CEP128: variants seen among roughly 807,000 people sequenced by gnomAD.
CEP128 encodes centrosomal protein 128, also known as centrosomal protein 128kDa.
A neutral mutation model predicts 156.7 loss-of-function variants in CEP128; 132 were observed. That is an observed-to-expected ratio of 0.84 (90% CI 0.73 to 0.97). The LOEUF (loss-of-function observed/expected upper bound fraction) is 0.97. Among genes scored for constraint, CEP128 ranks in the 50% least tolerant of loss-of-function variants. The pLI is 0.00. For missense variants in CEP128, 1,252 were observed against 1,281.9 expected (o/e 0.98, Z 0.36); for synonymous variants, 469 against 448.9 (o/e 1.04, Z -0.57).
chr14:80,577,259 A>G (rs937445340), intron 20 of CEP128, among the ~76,000 whole-genome samples: 4 of 152,072 alleles, frequency 2.6e-5, no homozygotes, highest in African/African-American at 9.7e-5. Context: ...TATGACTTTT[A>G]GTATCATTCT....
At chr14:80,832,860 A>G (rs1033255729) in intron 12 of CEP128, among the ~76,000 whole-genome samples, 1 of 152,168 alleles carries the variant, frequency 6.6e-6, no homozygotes, top group Non-Finnish European at 1.5e-5. Context: ...TAGGAAACTT[A>G]GAAGAATTTA....
chr14:80,493,338 C>T (rs1887388065), downstream of CEP128, among the ~76,000 whole-genome samples: 1 of 152,106 alleles, frequency 6.6e-6, no homozygotes, highest in Non-Finnish European at 1.5e-5. Context: ...GTAGCATTTC[C>T]CACCCCCAAC....
chr14:80,944,878 A>T (rs1365635513), upstream of CEP128, among the ~76,000 whole-genome samples: 2 of 57,936 alleles, frequency 3.5e-5, no homozygotes, highest in Non-Finnish European at 7.8e-5. Context: ...AGAACAAAAC[A>T]AAAAAAAAAA....
Position 80,813,332 on chromosome 14 carries a change from T to C in CEP128, c.1209+17811A>G, listed in dbSNP as rs1486817322. 2.6e-5 allele frequency among the ~76,000 whole-genome samples: 4 copies of C among 152,186 alleles called. No individual in the cohort carries two copies. In the East Asian group the frequency reaches 7.7e-4, roughly 29 times the overall value. ...GCATTTCCTAGGTTTTCTTCCAGGG[T>C]TTTTACAGTTTTACATTTTACATTT... On this transcript the variant is annotated intron_variant, in intron 13 of 24. Coordinates refer to ENST00000555265, the MANE Select transcript of CEP128 (RefSeq NM_152446.5).
At chr14:80,731,452 T>C (rs1898267329) in intron 19 of CEP128, among the ~76,000 whole-genome samples, 2 of 152,214 alleles carry the variant, frequency 1.3e-5, no homozygotes, top group Admixed American at 1.3e-4. Flanking sequence ...AATATTAGGT[T>C]CCTTCATTTC....
intron 6 of CEP128, 72 bp from the exon 7 acceptor site, chr14:80,900,101 A>G: frequency 1.0e-6 from 1 of 968,804 alleles, no homozygotes; most frequent in Non-Finnish European, 1.6e-6. Context: ...ACCAAAGGTA[A>G]GAATAAGATC....
At chr14:80,485,553 G>A (rs1333855449), downstream of CEP128, among the ~76,000 whole-genome samples, 1 of 151,516 alleles carries the variant, frequency 6.6e-6, no homozygotes, top group Non-Finnish European at 1.5e-5. Context: ...AAACATATAG[G>A]TCTAGCTAAC....
chr14:80,944,676 G>A (rs1594877037), upstream of CEP128, among the ~76,000 whole-genome samples: 1 of 151,632 alleles, frequency 6.6e-6, no homozygotes, highest in African/African-American at 2.4e-5. Flanking sequence ...CAAAAAATTA[G>A]CCAGGTGTGG....
intron 8 of CEP128, among the ~76,000 whole-genome samples, chr14:80,881,995 C>T (rs1888573939): frequency 6.6e-6 from 1 of 152,008 alleles, no homozygotes; most frequent in Admixed American, 6.6e-5. Flanking sequence ...CTCAACATAG[C>T]ACTAGAAGTC....
rs575784236 is a variant in CEP128 at position 80,654,650 on chromosome 14, T to C, written c.2807-74227A>G. Among the ~76,000 whole-genome samples the C allele has an allele frequency of 3.3e-5, 5 of 152,322 alleles. No individual in the cohort carries two copies. The South Asian group carries it at 1.0e-3, about 32-fold the overall frequency. ...ACTGCCAAGTGCAATGTCCTTTCTT[T>C]TTTCTTAATCTTCATCTTTAATGTT... On this transcript the variant is annotated intron_variant, in intron 19 of 24. Transcript: ENST00000555265.
intron 19 of CEP128, among the ~76,000 whole-genome samples, chr14:80,583,511 C>A (rs922276945): frequency 1.3e-5 from 2 of 152,086 alleles, no homozygotes; most frequent in African/African-American, 2.4e-5. Flanking sequence ...CTAAGCAACA[C>A]CAGAGGTGTC....
intron 22 of CEP128, among the ~76,000 whole-genome samples, chr14:80,530,572 A>G (rs1237076576): frequency 6.6e-6 from 1 of 152,150 alleles, no homozygotes; most frequent in Non-Finnish European, 1.5e-5. Flanking sequence ...GGCCCAACTG[A>G]GCTTCTAGTA....
chr14:80,813,742 G>C (rs1021884740), intron 13 of CEP128, among the ~76,000 whole-genome samples: 2 of 152,002 alleles, frequency 1.3e-5, no homozygotes, highest in East Asian at 3.9e-4. Flanking sequence ...TGCAATTCTA[G>C]TTTTATAAAT....
chr14:80,655,281 C>T (rs761848574), intron 19 of CEP128, among the ~76,000 whole-genome samples: 2 of 152,180 alleles, frequency 1.3e-5, no homozygotes, highest in Non-Finnish European at 2.9e-5. Flanking sequence ...TCCATCCAAT[C>T]TCTTCATGTT....
At chr14:80,689,452 A>G (rs1227083669) in intron 19 of CEP128, among the ~76,000 whole-genome samples, 1 of 152,208 alleles carries the variant, frequency 6.6e-6, no homozygotes, top group African/African-American at 2.4e-5. Flanking sequence ...GAAACAAAAG[A>G]AGCTGGAGAC....
chr14:80,817,167 C>T (rs1015143570), intron 13 of CEP128, among the ~76,000 whole-genome samples: 7 of 152,090 alleles, frequency 4.6e-5, no homozygotes, highest in African/African-American at 1.2e-4. Flanking sequence ...AGTGGCTACA[C>T]ACTGCAGGGA....
chr14:80,676,723 A>G (rs1210857613), intron 19 of CEP128, among the ~76,000 whole-genome samples: 1 of 152,070 alleles, frequency 6.6e-6, no homozygotes, highest in African/African-American at 2.4e-5. Context: ...ATTTATTAAG[A>G]TTTTTTGTAA....
At chr14:80,692,954 G>A (rs1222710882) in intron 19 of CEP128, among the ~76,000 whole-genome samples, 1 of 152,170 alleles carries the variant, frequency 6.6e-6, no homozygotes, top group African/African-American at 2.4e-5. Flanking sequence ...ACTTTAATGT[G>A]CATTTAATTC....
intron 8 of CEP128, among the ~76,000 whole-genome samples, chr14:80,883,260 CAAAAT>C (rs1006977871): frequency 6.6e-6 from 1 of 150,748 alleles, no homozygotes; most frequent in African/African-American, 2.4e-5. Flanking sequence ...TGGGAAAAAA[CAAAAT>C]AAAGGGCATC....
Sources: allele counts gnomAD v4.1 joint callset (sites outside exome capture counted in the v4.1 genomes callset), GRCh38; gene constraint gnomAD v4.1.1; transcripts MANE v1.5; gene names NCBI Gene and HGNC (gene_info 2026-07-23, HGNC 2026-07-21).